The following WDPCP variants were observed in gnomAD, a reference collection of about 807,000 sequenced individuals.
The protein encoded by WDPCP is WD repeat containing planar cell polarity effector, also known as WD repeat-containing and planar cell polarity effector protein fritz homolog.
In WDPCP, 71 loss-of-function variants were observed where a neutral mutation model predicts 93.1. The observed-to-expected ratio is 0.76, with a 90% CI of 0.63 to 0.93. The LOEUF is 0.93. WDPCP is among the 40% of genes least tolerant of loss of function. The pLI, the probability that WDPCP is intolerant of heterozygous loss-of-function variation, is 0.00. For missense variants in WDPCP, 844 were observed against 887.4 expected, an observed-to-expected ratio of 0.95 and a Z score of 0.62; for synonymous variants, 315 against 315.0, an observed-to-expected ratio of 1.00 and a Z score of 0.00.
chr2:63,424,281 T>C (rs1575393627), intron 9 of WDPCP, among the ~76,000 whole-genome samples: 1 of 151,246 alleles, frequency 6.6e-6, no homozygotes, highest in East Asian at 1.9e-4. Flanking sequence ...GGGGTGTGCG[T>C]CAGCCCTTGT....
intron 14 of WDPCP, among the ~76,000 whole-genome samples, chr2:63,257,773 A>G (rs531562120): frequency 6.6e-6 from 1 of 152,278 alleles, no homozygotes; most frequent in South Asian, 2.1e-4. Flanking sequence ...CATTTTGCTG[A>G]AATTTTGTGA....
At chr2:63,453,677 A>AAG (rs1195550823) in intron 6 of WDPCP, among the ~76,000 whole-genome samples, 10 of 152,160 alleles carry the variant, frequency 6.6e-5, no homozygotes, top group South Asian at 2.1e-4. Flanking sequence ...CACAATAGCA[A>AAG]AGACGTGGAA....
chr2:63,513,198 T>C (rs1289097666), intron 1 of WDPCP, among the ~76,000 whole-genome samples: 1 of 152,132 alleles, frequency 6.6e-6, no homozygotes, highest in East Asian at 1.9e-4. Context: ...ATTTAAAAAG[T>C]AAAGGCAATT....
intron 14 of WDPCP, among the ~76,000 whole-genome samples, chr2:63,196,588 T>G (rs78476587): frequency 0.02 from 3,097 of 152,264 alleles, 115 homozygotes; most frequent in African/African-American, 0.071. Context: ...CAAAGGATGG[T>G]CTGATAATTT....
chr2:63,370,496 T>C (rs1691288035), intron 12 of WDPCP, among the ~76,000 whole-genome samples: 1 of 152,150 alleles, frequency 6.6e-6, no homozygotes, highest in Non-Finnish European at 1.5e-5. Context: ...CTTAGAATTT[T>C]TTAAAGATGT....
chr2:63,586,475 T>G (rs1342535888), intron 1 of WDPCP, among the ~76,000 whole-genome samples: 1 of 152,220 alleles, frequency 6.6e-6, no homozygotes, highest in East Asian at 1.9e-4. Flanking sequence ...AATGACATAT[T>G]GTGCTACTTG....
chr2:63,405,653 A>G (rs1458501505), intron 9 of WDPCP, among the ~76,000 whole-genome samples: 2 of 151,106 alleles, frequency 1.3e-5, no homozygotes, highest in East Asian at 1.9e-4. Flanking sequence ...TGATTTGTCA[A>G]TCCTGGTGGA....
intron 2 of WDPCP, among the ~76,000 whole-genome samples, chr2:63,802,204 G>C (rs939590054): frequency 5.8e-5 from 8 of 137,530 alleles, no homozygotes; most frequent in African/African-American, 2.2e-4. Context: ...CCAGCACTTT[G>C]GAAGGCCAAC....
intron 1 of WDPCP, among the ~76,000 whole-genome samples, chr2:63,575,405 ATACAG>A (rs1707898366): frequency 8.2e-6 from 1 of 122,040 alleles, no homozygotes; most frequent in Non-Finnish European, 1.6e-5. Flanking sequence ...TACAGTATAT[ATACAG>A]TATATACACT....
chr2:63,307,342 C>CGA (rs1272342688), intron 13 of WDPCP, among the ~76,000 whole-genome samples: 2 of 152,118 alleles, frequency 1.3e-5, no homozygotes, highest in Non-Finnish European at 2.9e-5. Flanking sequence ...AATGCTATCC[C>CGA]CATCAAGCTA....
intron 6 of WDPCP, among the ~76,000 whole-genome samples, chr2:63,464,825 C>T (rs554900788): frequency 1.3e-5 from 2 of 151,762 alleles, no homozygotes; most frequent in Non-Finnish European, 2.9e-5. Context: ...GATGGGGTAT[C>T]TAAAGTTGTC....
At chr2:63,837,941 T>TA in the WDPCP span, among the ~76,000 whole-genome samples, 3 of 151,992 alleles carry the variant, frequency 2.0e-5, no homozygotes, top group Non-Finnish European at 4.4e-5. Context: ...CTGTCTCTAC[T>TA]AAAAATACAA....
intron 13 of WDPCP, among the ~76,000 whole-genome samples, chr2:63,285,619 A>G (rs1683937765): frequency 6.6e-6 from 1 of 152,172 alleles, no homozygotes; most frequent in Non-Finnish European, 1.5e-5. Context: ...TGCCTATATT[A>G]ATAAAGGACC....
At chr2:63,655,623 C>T (rs1202004320) in intron 2 of WDPCP, among the ~76,000 whole-genome samples, 1 of 152,150 alleles carries the variant, frequency 6.6e-6, no homozygotes, top group Non-Finnish European at 1.5e-5. Flanking sequence ...TGTTCACACA[C>T]CTCACTCTTA....
In WDPCP at chr2:63,657,305, T is replaced by C. The variant is rs184760696; in HGVS notation, n.309-6467A>G. ...CTGCAAGCTCCGCCTCCTGGGTTCA[T>C]GCCATTCTCCTGCCTCAGCCTCCTG... On this transcript the variant is annotated intron_variant and non_coding_transcript_variant, in intron 2 of 4. Coordinates refer to the WDPCP transcript ENST00000467687. 2.0e-3 allele frequency among the ~76,000 whole-genome samples: 308 copies of C among 150,816 alleles called. 7 individuals are homozygous for C. The East Asian group carries it at 0.052, about 25-fold the overall frequency.
intron 2 of WDPCP, among the ~76,000 whole-genome samples, chr2:63,792,331 C>T (rs949706769): frequency 4.6e-5 from 7 of 152,102 alleles, no homozygotes; most frequent in African/African-American, 1.7e-4. Flanking sequence ...CTGTCAAACA[C>T]GTATAAAACC....
At chr2:63,578,956 TC>T (rs1301475286) in intron 1 of WDPCP, among the ~76,000 whole-genome samples, 1 of 152,154 alleles carries the variant, frequency 6.6e-6, no homozygotes, top group Non-Finnish European at 1.5e-5. Flanking sequence ...TTCCCTGGGT[TC>T]CCCTGAGGTC....
chr2:63,283,440 T>A (rs1683725491), intron 13 of WDPCP, among the ~76,000 whole-genome samples: 3 of 152,248 alleles, frequency 2.0e-5, no homozygotes, highest in African/African-American at 7.2e-5. Context: ...AAGCGCAGCC[T>A]GTGAGCCAAA....
chr2:63,289,503 G>C (rs1207074528), intron 13 of WDPCP, among the ~76,000 whole-genome samples: 1 of 151,890 alleles, frequency 6.6e-6, no homozygotes, highest in African/African-American at 2.4e-5. Context: ...TAGATATTTG[G>C]ATGTAATTGA....
Sources: gnomAD v4.1 joint callset for allele counts (sites outside exome capture counted in the v4.1 genomes callset) on GRCh38, gnomAD v4.1.1 for gene constraint, MANE v1.5 for transcripts, NCBI Gene and HGNC (gene_info 2026-07-23, HGNC 2026-07-21) for gene names.